The following CDH12 variants were observed in gnomAD, a reference collection of about 807,000 sequenced individuals.
CDH12 encodes the protein cadherin-12.
A neutral mutation model predicts 74.1 loss-of-function variants in CDH12; 41 were observed. The ratio of observed to expected loss-of-function variants is 0.55; its 90% CI spans 0.43 to 0.72. The LOEUF is 0.72. Among genes scored for constraint, CDH12 ranks in the 30% least tolerant of loss-of-function variants. The probability of loss-of-function intolerance (pLI) is 0.00; values close to 1 mark genes in which losing one functional copy is unlikely to be tolerated. For synonymous variants in CDH12, 399 were observed against 355.0 expected (o/e 1.12, Z -1.39); for missense variants, 945 against 977.2 (o/e 0.97, Z 0.44).
At chr5:22,792,690 G>A (rs553057854) in intron 1 of CDH12, among the ~76,000 whole-genome samples, 8 of 152,164 alleles carry the variant, frequency 5.3e-5, no homozygotes, top group Non-Finnish European at 8.8e-5. Flanking sequence ...AATTTGAGTC[G>A]GTTCTGAGGA....
At chr5:22,331,461 A>G (rs1174788318) in intron 3 of CDH12, among the ~76,000 whole-genome samples, 1 of 152,198 alleles carries the variant, frequency 6.6e-6, no homozygotes, top group African/African-American at 2.4e-5. Context: ...ATTATATCTA[A>G]GACCACCAAG....
intron 6 of CDH12, among the ~76,000 whole-genome samples, chr5:21,946,267 T>C (rs184878459): frequency 0.022 from 3,367 of 152,198 alleles, 137 homozygotes; most frequent in African/African-American, 0.078. Context: ...GAATAAGTTC[T>C]CTAAACAGAA....
At chr5:22,355,935 A>G (rs1740547259) in intron 3 of CDH12, among the ~76,000 whole-genome samples, 1 of 152,218 alleles carries the variant, frequency 6.6e-6, no homozygotes, top group Non-Finnish European at 1.5e-5. Flanking sequence ...TTATCCCACC[A>G]TTTAAAAGAA....
intron 3 of CDH12, among the ~76,000 whole-genome samples, chr5:22,313,780 T>C (rs1738489897): frequency 1.3e-5 from 2 of 152,112 alleles, no homozygotes; most frequent in South Asian, 4.1e-4. Flanking sequence ...AAGTTATGAG[T>C]ATGCAAAGGC....
intron 6 of CDH12, among the ~76,000 whole-genome samples, chr5:21,880,612 C>CTTTCTTTCTTTCTTTCTCTTTCTTTCT (rs1752250410): frequency 1.4e-5 from 1 of 69,872 alleles, no homozygotes; most frequent in African/African-American, 6.6e-5. Flanking sequence ...TCCTTCCTTC[C>CTTTCTTTCTTTCTTTCTCTTTCTTTCT]TTCCTTCTTT....
rs1349420386 is a variant in CDH12 at position 22,853,282 on chromosome 5, T to G, written c.-747A>C. On this transcript the variant is annotated 5_prime_UTR_variant, in exon 1 of 15. Transcript: ENST00000382254. ...TTCTTCCTGGAAGAGGCTGCCTCTC[T>G]TCTCAGAAAAGCCTGGACCCCTCTC... 2.6e-5 allele frequency: 4 copies of G among 152,172 alleles called. No homozygotes were observed. The highest frequency in any genetic ancestry group is 4.2e-4 in the South Asian group (2 of 4,814). 9.4% of individuals were successfully genotyped at this position (152,172 alleles called of 1,614,324 possible). A position where few individuals can be genotyped will look rare whatever the true frequency, so the allele number is the denominator to read the frequency against.
intron 2 of CDH12, among the ~76,000 whole-genome samples, chr5:22,445,206 TC>T (rs1196622428): frequency 6.6e-6 from 1 of 152,084 alleles, no homozygotes; most frequent in African/African-American, 2.4e-5. Flanking sequence ...AAATTCTCTT[TC>T]TTCAGAATGC....
chr5:21,822,349 G>A (rs1352030541), intron 8 of CDH12, among the ~76,000 whole-genome samples: 1 of 151,866 alleles, frequency 6.6e-6, no homozygotes, highest in Non-Finnish European at 1.5e-5. Context: ...AAGAAAGACA[G>A]ATCTTAAAAG....
chr5:22,688,249 A>T (rs975187533), intron 1 of CDH12, among the ~76,000 whole-genome samples: 2 of 152,178 alleles, frequency 1.3e-5, no homozygotes, highest in African/African-American at 4.8e-5. Flanking sequence ...AGTTAATTCC[A>T]GCTTGGGAAA....
chr5:22,243,114 A>G (rs1220355882), intron 3 of CDH12, among the ~76,000 whole-genome samples: 1 of 152,142 alleles, frequency 6.6e-6, no homozygotes, highest in African/African-American at 2.4e-5. Flanking sequence ...GAACTTTCTA[A>G]ACAGTATACT....
intron 6 of CDH12, among the ~76,000 whole-genome samples, chr5:21,878,892 A>AG (rs1579890163): frequency 6.6e-6 from 1 of 151,068 alleles, no homozygotes; most frequent in East Asian, 1.9e-4. Flanking sequence ...AGAAAAAGAA[A>AG]GAAGAAAGAA....
At chr5:22,268,111 CA>C (rs956613722) in intron 3 of CDH12, among the ~76,000 whole-genome samples, 13 of 151,940 alleles carry the variant, frequency 8.6e-5, no homozygotes, top group African/African-American at 2.9e-4. Context: ...TGTGAGGTAT[CA>C]GGGGAGGTGA....
chr5:22,756,185 C>T (rs1264983339), intron 1 of CDH12, among the ~76,000 whole-genome samples: 1 of 150,058 alleles, frequency 6.7e-6, no homozygotes, highest in African/African-American at 2.4e-5. Flanking sequence ...ACAGTATACT[C>T]ACACATATTA....
intron 6 of CDH12, among the ~76,000 whole-genome samples, chr5:21,907,044 A>G (rs1271102983): frequency 2.6e-5 from 4 of 152,152 alleles, no homozygotes; most frequent in Admixed American, 2.6e-4. Flanking sequence ...ACCGGCTGTT[A>G]CAAAAGACAG....
chr5:21,962,409 A>T (rs1486720423), intron 6 of CDH12, among the ~76,000 whole-genome samples: 1 of 152,140 alleles, frequency 6.6e-6, no homozygotes, highest in Non-Finnish European at 1.5e-5. Context: ...TTGTTACTTC[A>T]ACAATGTTCA....
chr5:22,452,884 A>AAAAAAAT, intron 2 of CDH12, among the ~76,000 whole-genome samples: 1 of 143,846 alleles, frequency 7.0e-6, no homozygotes, highest in Non-Finnish European at 1.5e-5. Flanking sequence ...TAAGAGCAAA[A>AAAAAAAT]AAAAAAAAAA....
chr5:22,833,678 C>G (rs761629459), intron 1 of CDH12, among the ~76,000 whole-genome samples: 3 of 151,990 alleles, frequency 2.0e-5, no homozygotes, highest in Non-Finnish European at 2.9e-5. Flanking sequence ...AGCTCTCTGT[C>G]GGAATATATT....
chr5:22,684,608 G>A (rs755765179), intron 1 of CDH12, among the ~76,000 whole-genome samples: 3 of 152,326 alleles, frequency 2.0e-5, no homozygotes, highest in South Asian at 2.1e-4. Flanking sequence ...TTTCAAACGC[G>A]TAGGAGAATC....
intron 1 of CDH12, among the ~76,000 whole-genome samples, chr5:22,527,367 T>C (rs1050275273): frequency 1.3e-5 from 2 of 152,152 alleles, no homozygotes; most frequent in Admixed American, 1.3e-4. Context: ...CTTTTGTTCA[T>C]TTAACTAAAA....
Sources: allele counts gnomAD v4.1 joint callset (sites outside exome capture counted in the v4.1 genomes callset), GRCh38; gene constraint gnomAD v4.1.1; transcripts MANE v1.5; gene names NCBI Gene and HGNC (gene_info 2026-07-23, HGNC 2026-07-21).